SLIT3: variants seen among roughly 807,000 people sequenced by gnomAD.
SLIT3 encodes the protein slit homolog 3 protein.
SLIT3 carries 68 observed loss-of-function variants against 184.0 expected under a neutral mutation model. The observed-to-expected ratio is 0.37, with a 90% CI of 0.30 to 0.45. The LOEUF is 0.45. Ranked by LOEUF, SLIT3 falls within the 20% of genes least tolerant of loss-of-function variation. The pLI is 1.00. For missense variants in SLIT3, 1,707 were observed against 2,026.0 expected, an observed-to-expected ratio of 0.84 and a Z score of 3.02; for synonymous variants, 831 against 828.6, an observed-to-expected ratio of 1.00 and a Z score of -0.05.
intron 12 of SLIT3, among the ~76,000 whole-genome samples, chr5:168,784,735 G>A (rs1385208798): frequency 1.3e-5 from 2 of 152,096 alleles, no homozygotes; most frequent in African/African-American, 4.8e-5. Flanking sequence ...TCTTGTGCCT[G>A]CCACCCCTTT....
intron 4 of SLIT3, among the ~76,000 whole-genome samples, chr5:168,890,212 T>A (rs1226674172): frequency 6.6e-6 from 1 of 151,848 alleles, no homozygotes; most frequent in Non-Finnish European, 1.5e-5. Context: ...AGAAAGCTTG[T>A]CTCTAAACTC....
At chr5:168,777,814 T>A (rs1468683470) in intron 12 of SLIT3, among the ~76,000 whole-genome samples, 1 of 152,132 alleles carries the variant, frequency 6.6e-6, no homozygotes, top group East Asian at 1.9e-4. Context: ...ATCAGCAAGA[T>A]CTAACAGCCT....
intron 4 of SLIT3, among the ~76,000 whole-genome samples, chr5:169,098,704 T>C (rs1017456809): frequency 2.0e-5 from 3 of 152,180 alleles, no homozygotes; most frequent in East Asian, 1.9e-4. Flanking sequence ...TAAGTGTAGA[T>C]GGTTTCTGAT....
chr5:168,759,694 GT>G, intron 16 of SLIT3, among the ~76,000 whole-genome samples: 1 of 152,218 alleles, frequency 6.6e-6, no homozygotes, highest in South Asian at 2.1e-4. Context: ...TTTGGTTTTT[GT>G]TTTGTTGTTC....
In SLIT3 at chr5:168,956,755, T is replaced by C. The variant is rs550383191; in HGVS notation, c.414-73419A>G. ...TTGCAGTGAGCCGAGATAGCGCCACTGCACTCCAGCCTGGTGACAGAGTGA... is the reference window on the plus strand; with the variant it reads ...TTGCAGTGAGCCGAGATAGCGCCACCGCACTCCAGCCTGGTGACAGAGTGA... On this transcript the variant is annotated intron_variant, in intron 4 of 35. Transcript: ENST00000519560. Among the ~76,000 whole-genome samples the C allele has an allele frequency of 2.0e-5, 3 of 152,074 alleles. No individual in the cohort carries two copies. In the South Asian group the frequency reaches 6.3e-4, roughly 32 times the overall value.
intron 9 of SLIT3, among the ~76,000 whole-genome samples, chr5:168,799,347 T>G (rs1334667859): frequency 6.6e-6 from 1 of 152,196 alleles, no homozygotes; most frequent in Non-Finnish European, 1.5e-5. Flanking sequence ...GGCACATGTG[T>G]CTTTCTTTGT....
rs200412250 is a variant in SLIT3, at chr5:168,774,313, T to G, written c.1217A>C (p.Asn406Thr). 4.0e-5 allele frequency: 65 copies of G among 1,614,028 alleles called. No individual in the cohort carries two copies. The Middle Eastern group carries it at 6.6e-4, about 16-fold the overall frequency. ...CTTGTTGTCATACAGGGAGAGCAAGTTGAGGTTCTGCAGGTCCTGAAACGT... is the reference window on the plus strand; with the variant it reads ...CTTGTTGTCATACAGGGAGAGCAAGGTGAGGTTCTGCAGGTCCTGAAACGT... ...VNTFQDLQNL[N>T]LLSLYDNKLQ... The change falls in exon 13 of 36, where the codon AAC becomes ACC. Residue 406 changes from asparagine to threonine, a missense_variant. By Grantham distance (65) the Asn-to-Thr change is moderately conservative. This residue lies in a region of SLIT3 where 1,307 missense variants were observed against 1,511.6 expected (regional missense o/e 0.86). Coordinates refer to ENST00000519560, the MANE Select transcript of SLIT3 (RefSeq NM_003062.4).
chr5:169,185,606 T>C (rs1763305114), intron 4 of SLIT3, among the ~76,000 whole-genome samples: 1 of 152,178 alleles, frequency 6.6e-6, no homozygotes, highest in South Asian at 2.1e-4. Flanking sequence ...ATGCAGAGTT[T>C]TATAGGGACA....
At chr5:168,694,694 C>G (rs1040835018) in intron 28 of SLIT3, among the ~76,000 whole-genome samples, 1 of 152,190 alleles carries the variant, frequency 6.6e-6, no homozygotes, top group Non-Finnish European at 1.5e-5. Flanking sequence ...TCTCAGCTCA[C>G]TGCAACCTTC....
At chr5:168,761,920 A>ATTTTTTTTTTTT (rs546743393) in intron 15 of SLIT3, among the ~76,000 whole-genome samples, 1 of 115,516 alleles carries the variant, frequency 8.7e-6, no homozygotes, top group African/African-American at 3.3e-5. Context: ...AAAAAAAAAA[A>ATTTTTTTTTTTT]ATTTTTTTTT....
At chr5:168,912,116 T>C (rs1761270639) in intron 4 of SLIT3, among the ~76,000 whole-genome samples, 3 of 152,344 alleles carry the variant, frequency 2.0e-5, no homozygotes, top group South Asian at 4.1e-4. Flanking sequence ...CGGAGGTTTT[T>C]ATGATGACCC....
In SLIT3 at chr5:169,118,222, A is replaced by C. The variant is rs556087750; in HGVS notation, c.413+75257T>G. Among the ~76,000 whole-genome samples the C allele has an allele frequency of 8.5e-5, 13 of 152,360 alleles. No individual in the cohort carries two copies. The South Asian group carries it at 2.5e-3, about 29-fold the overall frequency. On this transcript the variant is annotated intron_variant, in intron 4 of 35. Coordinates refer to ENST00000519560, the MANE Select transcript of SLIT3 (RefSeq NM_003062.4). ...GATTTTTTGAAATGTGCACATTTGC[A>C]ATGCCTACATATAAAAGAATCTGTA...
At chr5:168,968,043 G>T (rs1025967319) in intron 4 of SLIT3, among the ~76,000 whole-genome samples, 1 of 152,200 alleles carries the variant, frequency 6.6e-6, no homozygotes, top group African/African-American at 2.4e-5. Context: ...CCTTGGAAAG[G>T]AGAGTGGGTT....
At position 169,177,328 on chromosome 5, in the gene SLIT3, C is replaced by T. The variant is rs988787860; in HGVS notation, c.413+16151G>A. The stretch of plus-strand genomic sequence containing the variant: ...AAGATTAAGTCATGAGAGTATCTAA[C>T]GAGAGATTTAGTGCTAAGTGAACTA... On this transcript the variant is annotated intron_variant, in intron 4 of 35. Coordinates refer to ENST00000519560, the MANE Select transcript of SLIT3 (RefSeq NM_003062.4). Among the ~76,000 whole-genome samples the T allele has an allele frequency of 3.3e-5, 5 of 152,214 alleles. No homozygotes were observed. The South Asian group carries it at 6.2e-4, about 19-fold the overall frequency.
intron 4 of SLIT3, among the ~76,000 whole-genome samples, chr5:169,188,715 T>G (rs1299717607): frequency 6.6e-6 from 1 of 152,182 alleles, no homozygotes; most frequent in East Asian, 1.9e-4. Flanking sequence ...CATGGAGCAT[T>G]TACTACGTGC....
intron 4 of SLIT3, among the ~76,000 whole-genome samples, chr5:168,961,948 T>C (rs988006556): frequency 2.6e-5 from 4 of 151,996 alleles, no homozygotes; most frequent in Non-Finnish European, 4.4e-5. Context: ...GGGTATGATA[T>C]GGAGAATGGA....
intron 4 of SLIT3, among the ~76,000 whole-genome samples, chr5:169,098,244 T>C (rs1354952843): frequency 6.6e-6 from 1 of 152,162 alleles, no homozygotes; most frequent in Non-Finnish European, 1.5e-5. Flanking sequence ...TGACCAAGTG[T>C]CTTTCTATAA....
chr5:168,681,481 T>C (rs1218149527), intron 32 of SLIT3, among the ~76,000 whole-genome samples: 1 of 152,202 alleles, frequency 6.6e-6, no homozygotes, highest in Non-Finnish European at 1.5e-5. Context: ...GGAAACTGAA[T>C]GAAGGGTACT....
chr5:169,137,309 C>T (rs111386900), intron 4 of SLIT3, among the ~76,000 whole-genome samples: 1 of 121,642 alleles, frequency 8.2e-6, no homozygotes, highest in Non-Finnish European at 1.6e-5. Context: ...TCTACATACA[C>T]ACACACACAC....
Sources: gnomAD v4.1 joint callset for allele counts (sites outside exome capture counted in the v4.1 genomes callset) on GRCh38, gnomAD v4.1.1 for gene constraint, gnomAD v4.1.1 regional missense constraint, MANE v1.5 for transcripts, NCBI Gene and HGNC (gene_info 2026-07-23, HGNC 2026-07-21) for gene names.